The following TIAM1 variants were observed in gnomAD, a reference collection of about 807,000 sequenced individuals.
TIAM1 encodes the protein rho guanine nucleotide exchange factor TIAM1.
TIAM1 carries 65 observed loss-of-function variants against 163.5 expected under a neutral mutation model. The observed-to-expected ratio is 0.40, with a 90% CI of 0.33 to 0.49. The LOEUF is 0.49. Ranked by LOEUF, TIAM1 falls within the 20% of genes least tolerant of loss-of-function variation. TIAM1 has a pLI of 0.77. For missense variants in TIAM1, 1,789 were observed against 2,044.7 expected (o/e 0.87, Z 2.41); for synonymous variants, 833 against 810.1 (o/e 1.03, Z -0.48).
intron 10 of TIAM1, among the ~76,000 whole-genome samples, chr21:31,210,747 GGAGAAA>G (rs1569034233): frequency 2.5e-5 from 1 of 39,312 alleles, no homozygotes; most frequent in African/African-American, 1.5e-4. Flanking sequence ...AGGAAGGAAG[GGAGAAA>G]GAAAGAAAGA....
chr21:31,449,441 C>CA (rs1460328064), intron 2 of TIAM1, among the ~76,000 whole-genome samples: 2 of 152,104 alleles, frequency 1.3e-5, no homozygotes, highest in Non-Finnish European at 2.9e-5. Context: ...TACAGTGGCA[C>CA]AATCTCACTG....
intron 5 of TIAM1, among the ~76,000 whole-genome samples, chr21:31,245,885 T>C (rs914942036): frequency 6.6e-6 from 1 of 152,176 alleles, no homozygotes; most frequent in Non-Finnish European, 1.5e-5. Context: ...GTTTCCTTCC[T>C]GCATGCCCTC....
chr21:31,235,110 C>T (rs1272226467), intron 6 of TIAM1, among the ~76,000 whole-genome samples: 1 of 152,036 alleles, frequency 6.6e-6, no homozygotes, highest in African/African-American at 2.4e-5. Context: ...TACATGAGGC[C>T]CGGAGAGCAG....
chr21:31,335,965 G>A (rs764220136), intron 2 of TIAM1, among the ~76,000 whole-genome samples: 2 of 152,178 alleles, frequency 1.3e-5, no homozygotes, highest in Non-Finnish European at 2.9e-5. Context: ...CAGAGGGGCT[G>A]TGAGGTGCAA....
At position 31,442,673 on chromosome 21, in the gene TIAM1, C is replaced by T. The variant is rs71321391; in HGVS notation, c.-369+21310G>A. 1.5e-3 allele frequency among the ~76,000 whole-genome samples: 227 copies of T among 152,282 alleles called. 1 individual carries two copies. The highest frequency in any genetic ancestry group is 2.8e-3 in the Non-Finnish European group (189 of 68,030). On this transcript the variant is annotated intron_variant, in intron 2 of 28. Coordinates refer to the TIAM1 transcript ENST00000286827. ...TCAGATATCAAGAATGAAAGGATAACCTAGCAGGATTCTTTGCGAAGACTG... is the reference window on the plus strand; with the variant it reads ...TCAGATATCAAGAATGAAAGGATAATCTAGCAGGATTCTTTGCGAAGACTG...
At chr21:31,231,842 G>A (rs1396518345) in intron 6 of TIAM1, among the ~76,000 whole-genome samples, 5 of 151,984 alleles carry the variant, frequency 3.3e-5, no homozygotes, top group African/African-American at 9.7e-5. Flanking sequence ...GTGAAACCCC[G>A]TCTCTACTAA....
intron 2 of TIAM1, among the ~76,000 whole-genome samples, chr21:31,338,989 A>T (rs1329341728): frequency 1.3e-5 from 2 of 152,112 alleles, no homozygotes; most frequent in Non-Finnish European, 2.9e-5. Context: ...ACAGAGGATT[A>T]CCCGCAGCCA....
At chr21:31,506,322 T>A (rs1202024923) in intron 1 of TIAM1, among the ~76,000 whole-genome samples, 1 of 151,382 alleles carries the variant, frequency 6.6e-6, no homozygotes, top group Admixed American at 6.6e-5. Flanking sequence ...ATATCTTTTT[T>A]TAAGGTATAA....
Position 31,318,675 on chromosome 21 carries a change from C to A in TIAM1, c.-189+20568G>T, listed in dbSNP as rs79378766. Among the ~76,000 whole-genome samples, 579 of 152,180 alleles carry A rather than the reference C, an allele frequency of 3.8e-3. 4 individuals are homozygous for A. Among genetic ancestry groups the A allele is most frequent in the African/African-American group, 0.013 (542 of 41,540 alleles). The stretch of plus-strand genomic sequence containing the variant: ...AAAATTTACTACTTTGGAAATAGTT[C>A]TTTTTGGCTTTGAGTCTGGGAGGGG... On this transcript the variant is annotated intron_variant, in intron 2 of 27. Coordinates refer to ENST00000541036, the MANE Select transcript of TIAM1 (RefSeq NM_001353694.2).
intron 19 of TIAM1, among the ~76,000 whole-genome samples, chr21:31,148,950 G>GTTTTTTT (rs1568921143): frequency 2.4e-5 from 2 of 81,686 alleles, no homozygotes; most frequent in African/African-American, 1.2e-4. Flanking sequence ...ATTTTAACAA[G>GTTTTTTT]TTTTTCTTTT....
At chr21:31,255,268 G>T (rs2072032495) in intron 4 of TIAM1, among the ~76,000 whole-genome samples, 1 of 152,172 alleles carries the variant, frequency 6.6e-6, no homozygotes. Context: ...TGGTTATTCA[G>T]GCTCAGTGGT....
chr21:31,196,644 T>C (rs2085875250), intron 12 of TIAM1, among the ~76,000 whole-genome samples: 1 of 152,120 alleles, frequency 6.6e-6, no homozygotes, highest in African/African-American at 2.4e-5. Flanking sequence ...TATACACTGT[T>C]GTTGGGAATG....
At chr21:31,140,977 C>T (rs1045028738) in intron 22 of TIAM1, 141 bp downstream of exon 22, 1 of 624,876 alleles carries the variant, frequency 1.6e-6, no homozygotes. Context: ...GGATAAAGCA[C>T]AGATGTTCCA....
chr21:31,335,705 C>CAAAA (rs142300088), intron 2 of TIAM1, among the ~76,000 whole-genome samples: 15 of 143,884 alleles, frequency 1.0e-4, no homozygotes, highest in East Asian at 4.1e-4. Flanking sequence ...ACTCTGTCTC[C>CAAAA]AAAAAAAAAG....
Position 31,527,811 on chromosome 21 carries a change from C to G in TIAM1, c.-422+31116G>C, listed in dbSNP as rs567865206. Reference sequence around the variant, plus strand: ...TCCCAGTCTCCACTCACCTGGGCCACTTGTGGTCAACAGTCTCTCAATGTT... The same window carrying G: ...TCCCAGTCTCCACTCACCTGGGCCAGTTGTGGTCAACAGTCTCTCAATGTT... On this transcript the variant is annotated intron_variant, in intron 1 of 28. Coordinates refer to the TIAM1 transcript ENST00000286827. Among the ~76,000 whole-genome samples, 68 of 152,246 alleles carry G rather than the reference C, an allele frequency of 4.5e-4. 1 individual carries two copies. The South Asian group carries it at 0.014, about 32-fold the overall frequency.
At chr21:31,318,520 GTAGT>G (rs1266652872) in intron 2 of TIAM1, among the ~76,000 whole-genome samples, 1 of 152,166 alleles carries the variant, frequency 6.6e-6, no homozygotes, top group Non-Finnish European at 1.5e-5. Flanking sequence ...CAACAATTTG[GTAGT>G]TAGTCAAGAG....
At chr21:31,417,883 T>C (rs1452131982) in intron 2 of TIAM1, among the ~76,000 whole-genome samples, 3 of 151,956 alleles carry the variant, frequency 2.0e-5, no homozygotes, top group African/African-American at 7.3e-5. Flanking sequence ...ACAAGAGGCT[T>C]GAGGCTGGCA....
intron 2 of TIAM1, among the ~76,000 whole-genome samples, chr21:31,374,429 G>GC (rs2076651113): frequency 6.6e-6 from 1 of 152,054 alleles, no homozygotes; most frequent in African/African-American, 2.4e-5. Flanking sequence ...GGAATATTCT[G>GC]CATCTGTCCC....
intron 13 of TIAM1, among the ~76,000 whole-genome samples, chr21:31,193,995 A>T (rs892465623): frequency 6.6e-6 from 1 of 151,910 alleles, no homozygotes; most frequent in African/African-American, 2.4e-5. Flanking sequence ...CCTGGTCCAA[A>T]CAATCTGTGG....
Sources: allele counts gnomAD v4.1 joint callset (sites outside exome capture counted in the v4.1 genomes callset), GRCh38; gene constraint gnomAD v4.1.1; transcripts MANE v1.5; gene names NCBI Gene and HGNC (gene_info 2026-07-23, HGNC 2026-07-21).